The following KLHDC10 variants were observed in gnomAD, a reference collection of about 807,000 sequenced individuals.
The protein encoded by KLHDC10 is kelch domain-containing protein 10.
KLHDC10 carries 24 observed loss-of-function variants against 56.1 expected under a neutral mutation model. The observed-to-expected ratio is 0.43, with a 90% confidence interval of 0.31 to 0.60. The LOEUF is 0.60. KLHDC10 is among the 20% of genes least tolerant of loss of function. The probability of loss-of-function intolerance (pLI) is 0.11; values close to 1 mark genes in which losing one functional copy is unlikely to be tolerated. For synonymous variants in KLHDC10, 188 were observed against 207.1 expected (o/e 0.91, Z 0.79); for missense variants, 349 against 567.0 (o/e 0.62, Z 3.91).
chr7:130,129,346 C>T lies in KLHDC10; in HGVS notation c.980-91C>T. 4 of 1,443,728 alleles carry T rather than the reference C, an allele frequency of 2.8e-6. No individual in the cohort carries two copies. In the South Asian group the frequency reaches 5.2e-5, roughly 19 times the overall value. 89.4% of individuals were successfully genotyped at this position (1,443,728 alleles called of 1,614,324 possible). ...ATGGGGCAATCCACTTCACTGGCCG[C>T]ATGTCAGCTGGCTGTGTGACCTACT... On this transcript the variant is annotated intron_variant, in intron 8 of 9. Coordinates refer to ENST00000335420, the MANE Select transcript of KLHDC10 (RefSeq NM_014997.4).
intron 1 of KLHDC10, among the ~76,000 whole-genome samples, 165 bp downstream of exon 1, chr7:130,070,974 A>AG (rs1173927842): frequency 6.6e-6 from 1 of 152,216 alleles, no homozygotes; most frequent in Non-Finnish European, 1.5e-5. Flanking sequence ...GAGGTCAGGG[A>AG]GGGAACAGGA....
In KLHDC10 at chr7:130,120,741, T is replaced by G. The variant is rs1472358061; in HGVS notation, c.476-8T>G. 6.2e-7 allele frequency: 1 copy of G among 1,613,364 alleles called. No individual in the cohort carries two copies. The highest frequency in any genetic ancestry group is 2.2e-5 in the East Asian group (1 of 44,880). On this transcript the variant is annotated splice_region_variant and splice_polypyrimidine_tract_variant and intron_variant, in intron 3 of 9. Coordinates refer to ENST00000335420, the MANE Select transcript of KLHDC10 (RefSeq NM_014997.4). The surrounding 1 kb of genome is among the most constrained non-coding windows in gnomAD (Gnocchi z 5.1). ...TTGTGAACAGAACTTGTGCTTCTCC[T>G]TCCTCAGTTGTGCTGCATGGAAACA...
rs1248119788 is a variant in KLHDC10, at chr7:130,130,486, C to T, written c.1120-51C>T. The T allele has an allele frequency of 6.8e-7, 1 of 1,461,034 alleles. No individual in the cohort carries two copies. Among genetic ancestry groups the T allele is most frequent in the Non-Finnish European group, 9.6e-7 (1 of 1,041,304 alleles). The allele number at this position is 1,461,034 out of a possible 1,614,324, so 90.5% of individuals were successfully genotyped here. On this transcript the variant is annotated intron_variant, in intron 9 of 9. Coordinates refer to ENST00000335420, the MANE Select transcript of KLHDC10 (RefSeq NM_014997.4). The surrounding 1 kb of genome is among the most constrained non-coding windows in gnomAD (Gnocchi z 4.2). Reference sequence around the variant, plus strand: ...TGCTTTTTCCCCACTGAGTCTTCAGCCTTGTATGTTTCTCTCCCGTTTGAA... The same window carrying T: ...TGCTTTTTCCCCACTGAGTCTTCAGTCTTGTATGTTTCTCTCCCGTTTGAA...
rs555880783 is a variant in KLHDC10 at position 130,099,144 on chromosome 7, C to T, written c.253+2137C>T. Among the ~76,000 whole-genome samples, 6 of 152,150 alleles carry T rather than the reference C, an allele frequency of 3.9e-5. No homozygotes were observed. In the South Asian group the frequency reaches 1.2e-3, roughly 32 times the overall value. ...CTGTATAGTTCTAGATGTTTTCTTCCTACCTCTTTGATTGTTCATTCTGTT... is the reference window on the plus strand; with the variant it reads ...CTGTATAGTTCTAGATGTTTTCTTCTTACCTCTTTGATTGTTCATTCTGTT... On this transcript the variant is annotated intron_variant, in intron 2 of 9. Coordinates refer to ENST00000335420, the MANE Select transcript of KLHDC10 (RefSeq NM_014997.4).
At chr7:130,097,223 G>A (rs1030001969) in intron 2 of KLHDC10, among the ~76,000 whole-genome samples, 16 of 152,162 alleles carry the variant, frequency 1.1e-4, no homozygotes, top group Admixed American at 3.9e-4. Flanking sequence ...ATCACTTAGT[G>A]TATTATTAGA....
At chr7:130,092,417 A>G (rs538885086) in intron 1 of KLHDC10, among the ~76,000 whole-genome samples, 6 of 152,298 alleles carry the variant, frequency 3.9e-5, no homozygotes, top group Non-Finnish European at 8.8e-5. Context: ...TTTATGCTCA[A>G]TCATCTTTAT....
chr7:130,114,187 A>G (rs1796137798), intron 2 of KLHDC10, among the ~76,000 whole-genome samples: 1 of 152,232 alleles, frequency 6.6e-6, no homozygotes, highest in African/African-American at 2.4e-5. Flanking sequence ...ATTATTATAC[A>G]TGACCTTTGC....
At chr7:130,091,679 TA>T (rs1795775139) in intron 1 of KLHDC10, among the ~76,000 whole-genome samples, 1 of 152,234 alleles carries the variant, frequency 6.6e-6, no homozygotes, top group Non-Finnish European at 1.5e-5. Context: ...CCTACCCTTA[TA>T]AATATTCCTG....
In KLHDC10 at chr7:130,122,176, C is replaced by T; in HGVS notation, c.753C>T (p.Asn251=). The T allele has an allele frequency of 8.1e-6, 13 of 1,613,940 alleles. No individual in the cohort carries two copies. The highest frequency in any genetic ancestry group is 1.0e-5 in the Non-Finnish European group (12 of 1,179,908). ...TREWTQLKPN[N]LSCDLPEERY... is the part of the protein sequence containing the mutation. ...AGTGGACACAACTGAAACCAAACAA[C>T]CTATCCTGTGATCTACCAGAAGAGA... The change falls in exon 5 of 10, where the codon AAC becomes AAT. Residue 251 remains asparagine (N), a synonymous_variant. Transcript: ENST00000335420.
At chr7:130,073,293 CTTT>C (rs768140763) in intron 1 of KLHDC10, among the ~76,000 whole-genome samples, 55 of 122,924 alleles carry the variant, frequency 4.5e-4, no homozygotes, top group Middle Eastern at 4.1e-3. Flanking sequence ...TCCTATTTGT[CTTT>C]TTTTTTTTTT....
intron 1 of KLHDC10, among the ~76,000 whole-genome samples, chr7:130,080,912 G>T (rs528763868): frequency 6.6e-6 from 1 of 151,634 alleles, no homozygotes; most frequent in South Asian, 2.1e-4. Flanking sequence ...GTGAGGCTTT[G>T]CCCTTTCTTG....
At chr7:130,104,123 C>G (rs928548042) in intron 2 of KLHDC10, among the ~76,000 whole-genome samples, 3 of 152,074 alleles carry the variant, frequency 2.0e-5, no homozygotes, top group Non-Finnish European at 2.9e-5. Flanking sequence ...AATACACTTA[C>G]CATTCATTAA....
At chr7:130,096,615 G>A (rs561307013) in intron 1 of KLHDC10, among the ~76,000 whole-genome samples, 18 of 152,172 alleles carry the variant, frequency 1.2e-4, no homozygotes, top group Admixed American at 9.2e-4. Flanking sequence ...TAAAGCTCCT[G>A]GTGAATTTTT....
chr7:130,098,492 C>CA (rs1231813046), intron 2 of KLHDC10, among the ~76,000 whole-genome samples: 5 of 150,106 alleles, frequency 3.3e-5, no homozygotes, highest in East Asian at 1.9e-4. Context: ...GACTTTTCTC[C>CA]AAAAAAAAGA....
chr7:130,128,654 T>A (rs1230063102), intron 8 of KLHDC10, among the ~76,000 whole-genome samples: 2 of 151,972 alleles, frequency 1.3e-5, no homozygotes, highest in East Asian at 3.9e-4. Context: ...TGCGAGCAGA[T>A]AAATGTATAT....
At chr7:130,096,855 A>G in intron 1 of KLHDC10, 66 bp from the exon 2 acceptor site, 4 of 1,102,390 alleles carry the variant, frequency 3.6e-6, no homozygotes, top group Non-Finnish European at 5.4e-6. Flanking sequence ...TTATAACTAC[A>G]GTAACTATGT....
chr7:130,112,994 C>T (rs1376933672), intron 2 of KLHDC10, among the ~76,000 whole-genome samples: 2 of 152,206 alleles, frequency 1.3e-5, no homozygotes, highest in East Asian at 1.9e-4. Flanking sequence ...GTAAAACAGA[C>T]AGGTAACATT....
intron 1 of KLHDC10, among the ~76,000 whole-genome samples, chr7:130,077,555 CTT>C (rs1374918216): frequency 3.0e-4 from 32 of 108,092 alleles, no homozygotes; most frequent in African/African-American, 9.4e-4. Context: ...CTTTTTCTTT[CTT>C]TTTTTTTTTT....
chr7:130,096,952 G>A lies in KLHDC10; in HGVS notation c.198G>A (p.Arg66=), dbSNP rs745721907. ...AGAAAATACGATGGGACCCAGTTAGGAGGCGCTTCATTCAGTCCTGTCCCA... is the reference window on the plus strand; with the variant it reads ...AGAAAATACGATGGGACCCAGTTAGAAGGCGCTTCATTCAGTCCTGTCCCA... The part of the protein sequence containing the change: ...GKKKIRWDPV[R]RRFIQSCPII... Residue 66 remains arginine, a synonymous_variant, in exon 2 of 10, where the codon AGG becomes AGA. Transcript: ENST00000335420. The A allele has an allele frequency of 1.2e-6, 2 of 1,611,620 alleles. No individual in the cohort carries two copies. Among genetic ancestry groups the A allele is most frequent in the Non-Finnish European group, 1.7e-6 (2 of 1,178,248 alleles).
Sources: allele counts gnomAD v4.1 joint callset (sites outside exome capture counted in the v4.1 genomes callset), GRCh38; gene constraint gnomAD v4.1.1; non-coding constraint Gnocchi (gnomAD v3.1); transcripts MANE v1.5; gene names NCBI Gene and HGNC (gene_info 2026-07-23, HGNC 2026-07-21).